NFIB: variants seen among roughly 807,000 people sequenced by gnomAD.
NFIB encodes the protein nuclear factor I B.
NFIB carries 11 observed loss-of-function variants against 61.5 expected under a neutral mutation model. The observed-to-expected ratio is 0.18, with a 90% CI of 0.11 to 0.30. The LOEUF (loss-of-function observed/expected upper bound fraction) is 0.30. NFIB is among the 10% of genes least tolerant of loss of function. NFIB has a pLI of 1.00. For synonymous variants in NFIB, 260 were observed against 216.5 expected (o/e 1.20, Z -1.76); for missense variants, 471 against 608.9 (o/e 0.77, Z 2.38).
At chr9:14,449,676 T>C in the NFIB span, among the ~76,000 whole-genome samples, 1 of 152,142 alleles carries the variant, frequency 6.6e-6, no homozygotes, top group East Asian at 1.9e-4. Context: ...ACACCTGTAA[T>C]CCCAGCAATT....
Position 14,204,401 on chromosome 9 carries a change from G to A in NFIB, c.563-24621C>T, listed in dbSNP as rs1026035125. 43 of 1,123,332 alleles carry A rather than the reference G, an allele frequency of 3.8e-5. 3 individuals carry two copies. The highest frequency in any genetic ancestry group is 4.8e-5 in the Non-Finnish European group (36 of 752,924). The allele number at this position is 1,123,332 out of a possible 1,614,324, so 69.6% of individuals were successfully genotyped here. Reference sequence around the variant, plus strand: ...GGACATCCAGCCCAAAAGAGACCTCGCCCGCTTTGTGAAATGGCCCCGCTA... The same window carrying A: ...GGACATCCAGCCCAAAAGAGACCTCACCCGCTTTGTGAAATGGCCCCGCTA... On this transcript the variant is annotated intron_variant, in intron 2 of 10. Coordinates refer to ENST00000380953, the MANE Select transcript of NFIB (RefSeq NM_001190737.2).
At chr9:14,412,542 A>T in the NFIB span, among the ~76,000 whole-genome samples, 1 of 152,226 alleles carries the variant, frequency 6.6e-6, no homozygotes. Flanking sequence ...TGGCCTCCCT[A>T]CAACCCTCGC....
the NFIB span, among the ~76,000 whole-genome samples, chr9:14,434,218 G>A: frequency 4.6e-5 from 7 of 152,182 alleles, no homozygotes; most frequent in Non-Finnish European, 1.5e-5. Flanking sequence ...GGCTGATTGG[G>A]AAAGTTGTGA....
At chr9:14,434,119 T>C in the NFIB span, among the ~76,000 whole-genome samples, 1 of 152,204 alleles carries the variant, frequency 6.6e-6, no homozygotes, top group Non-Finnish European at 1.5e-5. Context: ...TTCTTAATAT[T>C]TGGAAAGAGA....
intron 2 of NFIB, among the ~76,000 whole-genome samples, chr9:14,205,699 T>C (rs1392913692): frequency 6.6e-6 from 1 of 152,160 alleles, no homozygotes; most frequent in Non-Finnish European, 1.5e-5. Context: ...TGAAAGATAA[T>C]TCAGAGGTGA....
At chr9:14,213,138 T>C (rs1348791366) in intron 2 of NFIB, among the ~76,000 whole-genome samples, 1 of 152,246 alleles carries the variant, frequency 6.6e-6, no homozygotes, top group Non-Finnish European at 1.5e-5. Context: ...ATTACACCTT[T>C]CTTTTTAAAA....
chr9:14,504,184 A>G, the NFIB span, among the ~76,000 whole-genome samples: 540 of 152,276 alleles, frequency 3.5e-3, 5 homozygotes, highest in African/African-American at 0.012. Flanking sequence ...CCGTTGGTCT[A>G]TGTGCCTATT....
At chr9:14,417,412 G>A in the NFIB span, among the ~76,000 whole-genome samples, 15 of 152,118 alleles carry the variant, frequency 9.9e-5, no homozygotes, top group African/African-American at 2.9e-4. Context: ...AAGTTCACAC[G>A]ATAATGAAAT....
At chr9:14,227,122 C>T (rs1326939163) in intron 2 of NFIB, among the ~76,000 whole-genome samples, 7 of 131,060 alleles carry the variant, frequency 5.3e-5, no homozygotes, top group African/African-American at 1.2e-4. Flanking sequence ...GCCTGGGCAA[C>T]GAGAGCAAAA....
chr9:14,291,838 T>C (rs1183334080), intron 2 of NFIB, among the ~76,000 whole-genome samples: 1 of 151,962 alleles, frequency 6.6e-6, no homozygotes, highest in South Asian at 2.1e-4. Flanking sequence ...CAAATCTCAA[T>C]CATCTTTTCT....
At chr9:14,427,937 G>GTGTTTT in the NFIB span, among the ~76,000 whole-genome samples, 8 of 43,420 alleles carry the variant, frequency 1.8e-4, no homozygotes, top group African/African-American at 6.2e-4. Flanking sequence ...TAATTCAGTT[G>GTGTTTT]TTTTTTTTTT....
intron 1 of NFIB, among the ~76,000 whole-genome samples, chr9:14,353,226 C>T (rs1227232899): frequency 6.6e-6 from 1 of 152,114 alleles, no homozygotes; most frequent in African/African-American, 2.4e-5. Flanking sequence ...GCCGCGTGAG[C>T]TTCCCAGACA....
intron 2 of NFIB, among the ~76,000 whole-genome samples, chr9:14,197,101 T>A (rs962223845): frequency 2.0e-5 from 3 of 152,240 alleles, no homozygotes; most frequent in Non-Finnish European, 4.4e-5. Context: ...GGCATTTTCA[T>A]CTACATTACT....
the NFIB span, among the ~76,000 whole-genome samples, chr9:14,509,707 C>A: frequency 2.6e-5 from 4 of 152,190 alleles, no homozygotes; most frequent in Non-Finnish European, 4.4e-5. Context: ...ACCATCCCAC[C>A]CCTGAAGCAC....
intron 2 of NFIB, among the ~76,000 whole-genome samples, chr9:14,218,944 G>GGAACT (rs994727573): frequency 1.3e-5 from 2 of 152,144 alleles, no homozygotes; most frequent in African/African-American, 4.8e-5. Context: ...TGCCCTCTAG[G>GGAACT]GAACTTAAAA....
the NFIB span, among the ~76,000 whole-genome samples, chr9:14,488,707 C>G: frequency 2.0e-5 from 3 of 152,166 alleles, no homozygotes; most frequent in Non-Finnish European, 4.4e-5. Context: ...ATGATTCTAA[C>G]TGCTGGTCTA....
the NFIB span, among the ~76,000 whole-genome samples, chr9:14,428,984 C>A: frequency 6.6e-6 from 1 of 152,106 alleles, no homozygotes; most frequent in Non-Finnish European, 1.5e-5. Flanking sequence ...CTTATCCCGG[C>A]GCGTCTTGAC....
chr9:14,207,700 A>G (rs2049888864), intron 2 of NFIB, among the ~76,000 whole-genome samples: 1 of 152,112 alleles, frequency 6.6e-6, no homozygotes, highest in African/African-American at 2.4e-5. Context: ...TCTAAGCCAC[A>G]TCTCGTAAAT....
intron 1 of NFIB, among the ~76,000 whole-genome samples, chr9:14,349,530 C>T (rs926683281): frequency 1.3e-5 from 2 of 152,064 alleles, no homozygotes; most frequent in African/African-American, 2.4e-5. Flanking sequence ...TTTTGGAGAG[C>T]CCCAAAGCAG....
Sources: gnomAD v4.1 joint callset for allele counts (sites outside exome capture counted in the v4.1 genomes callset) on GRCh38, gnomAD v4.1.1 for gene constraint, MANE v1.5 for transcripts, NCBI Gene and HGNC (gene_info 2026-07-23, HGNC 2026-07-21) for gene names.